Variants in STAU2 observed in about 807,000 individuals in gnomAD.
The protein encoded by STAU2 is double-stranded RNA-binding protein Staufen homolog 2.
STAU2 carries 20 observed loss-of-function variants against 65.9 expected under a neutral mutation model. That is an observed-to-expected ratio of 0.30 (90% CI 0.21 to 0.44). The LOEUF is 0.44. Ranked by LOEUF, STAU2 falls within the 20% of genes least tolerant of loss-of-function variation. The pLI is 1.00. For synonymous variants in STAU2, 232 were observed against 233.9 expected, an observed-to-expected ratio of 0.99 and a Z score of 0.07; for missense variants, 558 against 683.9, an observed-to-expected ratio of 0.82 and a Z score of 2.05.
chr8:73,457,989 A>T (rs1359116955), intron 13 of STAU2, among the ~76,000 whole-genome samples: 1 of 152,328 alleles, frequency 6.6e-6, no homozygotes, highest in East Asian at 1.9e-4. Flanking sequence ...ACTTACCAAT[A>T]GCAGATAATT....
intron 13 of STAU2, among the ~76,000 whole-genome samples, chr8:73,425,814 A>G (rs924659579): frequency 6.6e-6 from 1 of 151,490 alleles, no homozygotes; most frequent in Non-Finnish European, 1.5e-5. Flanking sequence ...TTTTTTTGAG[A>G]TGGAGTCTTA....
At position 73,727,391 on chromosome 8, in the gene STAU2, C is replaced by T. The variant is rs1199938347; in HGVS notation, c.-18+10893G>A. 3.9e-5 allele frequency among the ~76,000 whole-genome samples: 6 copies of T among 152,246 alleles called. No individual in the cohort carries two copies. In the East Asian group the frequency reaches 1.2e-3, roughly 29 times the overall value. On this transcript the variant is annotated intron_variant, in intron 3 of 14. Coordinates refer to ENST00000524300, the MANE Select transcript of STAU2 (RefSeq NM_001164380.2). ...AGTTGCTTCTCATTCACCCTTAATCCCAGGCCCTGGCAAGCAACAATCTAC... is the reference window on the plus strand; with the variant it reads ...AGTTGCTTCTCATTCACCCTTAATCTCAGGCCCTGGCAAGCAACAATCTAC...
intron 6 of STAU2, among the ~76,000 whole-genome samples, chr8:73,620,530 C>A (rs1586137352): frequency 6.6e-6 from 1 of 152,126 alleles, no homozygotes; most frequent in Non-Finnish European, 1.5e-5. Context: ...CATACTGAAA[C>A]AATCTGCTGA....
intron 13 of STAU2, among the ~76,000 whole-genome samples, chr8:73,461,748 C>G (rs143192868): frequency 3.3e-5 from 5 of 151,996 alleles, no homozygotes; most frequent in Admixed American, 1.3e-4. Flanking sequence ...AACGCAACCG[C>G]GGGCTTTCAC....
At chr8:73,743,631 G>A (rs375266475) in intron 1 of STAU2, among the ~76,000 whole-genome samples, 5 of 148,054 alleles carry the variant, frequency 3.4e-5, no homozygotes, top group East Asian at 2.0e-4. Context: ...GCGCCACCAC[G>A]GCCGGCTAAT....
chr8:73,595,590 T>C (rs1811123794), intron 10 of STAU2, among the ~76,000 whole-genome samples: 1 of 152,118 alleles, frequency 6.6e-6, no homozygotes, highest in South Asian at 2.1e-4. Context: ...ATATTATTTA[T>C]ATAAGCAGAA....
At chr8:73,460,319 A>G (rs1229910473) in intron 13 of STAU2, among the ~76,000 whole-genome samples, 2 of 152,220 alleles carry the variant, frequency 1.3e-5, no homozygotes, top group Non-Finnish European at 2.9e-5. Flanking sequence ...CATCTGTTCC[A>G]GGTTAGAAGA....
At chr8:73,467,387 C>T (rs1819715817) in intron 13 of STAU2, among the ~76,000 whole-genome samples, 1 of 152,098 alleles carries the variant, frequency 6.6e-6, no homozygotes, top group Non-Finnish European at 1.5e-5. Flanking sequence ...AAAAAATTAG[C>T]CGGGCATGGT....
rs563808913 is a variant in STAU2, at chr8:73,724,853, A to T, written c.-18+13431T>A. Among the ~76,000 whole-genome samples the T allele has an allele frequency of 7.9e-5, 12 of 152,018 alleles. No individual in the cohort carries two copies. The South Asian group carries it at 2.3e-3, about 29-fold the overall frequency. The stretch of plus-strand genomic sequence containing the variant: ...CAGGTGCACACCACCACATCCAGCT[A>T]ATTTTTGTATTTTTTGTAGAGATGG... On this transcript the variant is annotated intron_variant, in intron 3 of 14. Coordinates refer to ENST00000524300, the MANE Select transcript of STAU2 (RefSeq NM_001164380.2).
At chr8:73,674,032 A>C (rs1350523288) in intron 5 of STAU2, among the ~76,000 whole-genome samples, 2 of 151,482 alleles carry the variant, frequency 1.3e-5, no homozygotes, top group Non-Finnish European at 3.0e-5. Context: ...GGTACCAAAT[A>C]GTGTGTGCTT....
chr8:73,494,433 G>C (rs1821296671), intron 13 of STAU2, among the ~76,000 whole-genome samples: 1 of 151,712 alleles, frequency 6.6e-6, no homozygotes, highest in Admixed American at 6.6e-5. Flanking sequence ...ATGATTGCAA[G>C]TGACTTACAA....
At chr8:73,718,420 C>T (rs541231952) in intron 3 of STAU2, among the ~76,000 whole-genome samples, 1 of 152,098 alleles carries the variant, frequency 6.6e-6, no homozygotes, top group Non-Finnish European at 1.5e-5. Context: ...CAACAAAAAG[C>T]ACAAACATGC....
intron 5 of STAU2, among the ~76,000 whole-genome samples, chr8:73,673,563 ATTAC>A (rs1586243012): frequency 1.3e-5 from 2 of 152,238 alleles, no homozygotes; most frequent in South Asian, 2.1e-4. Flanking sequence ...GCATTTCATC[ATTAC>A]TTACCCCAGA....
intron 12 of STAU2, among the ~76,000 whole-genome samples, chr8:73,574,577 T>C (rs1007399794): frequency 6.6e-6 from 1 of 152,048 alleles, no homozygotes; most frequent in African/African-American, 2.4e-5. Flanking sequence ...TATGCAGTCA[T>C]AAAAAAAGGA....
chr8:73,665,454 T>C (rs1817165380), intron 6 of STAU2, among the ~76,000 whole-genome samples: 1 of 152,238 alleles, frequency 6.6e-6, no homozygotes, highest in African/African-American at 2.4e-5. Flanking sequence ...GCTTACTTCA[T>C]TTATCCAAGA....
At chr8:73,691,813 C>T (rs1819339620) in intron 4 of STAU2, among the ~76,000 whole-genome samples, 1 of 152,046 alleles carries the variant, frequency 6.6e-6, no homozygotes, top group Non-Finnish European at 1.5e-5. Context: ...AATATTTGGT[C>T]TTTGATCCCA....
rs527868942 is a variant in STAU2 at position 73,466,074 on chromosome 8, T to C, written c.1531-43372A>G. Among the ~76,000 whole-genome samples the C allele has an allele frequency of 2.0e-5, 3 of 152,378 alleles. No individual in the cohort carries two copies. In the East Asian group the frequency reaches 5.8e-4, roughly 29 times the overall value. ...ATACTGGTGTAGGGTCATGCCCAGA[T>C]GCTCTCATCTTAAACTCTTGACTAA... On this transcript the variant is annotated intron_variant, in intron 13 of 14. Coordinates refer to ENST00000524300, the MANE Select transcript of STAU2 (RefSeq NM_001164380.2).
chr8:73,668,331 CCAAGAGATATCCCAGTTACATAGCT>C (rs1817389105), intron 6 of STAU2, among the ~76,000 whole-genome samples: 1 of 152,114 alleles, frequency 6.6e-6, no homozygotes, highest in Non-Finnish European at 1.5e-5. Context: ...GTACATCTCC[CCAAGAGATATCCCAGTTACATAGCT>C]CAAAAATTCC....
rs113693797 is a variant in STAU2, at chr8:73,497,699, C to G, written c.1530+54313G>C. Among the ~76,000 whole-genome samples, 927 of 151,872 alleles carry G rather than the reference C, an allele frequency of 6.1e-3. 6 individuals are homozygous for G. The highest frequency in any genetic ancestry group is 0.011 in the Non-Finnish European group (748 of 67,772). Reference sequence around the variant, plus strand: ...AGGTAAAAATCATACATAATTTCAACTAGCTTATCAGTTTTTATACCAAAC... The same window carrying G: ...AGGTAAAAATCATACATAATTTCAAGTAGCTTATCAGTTTTTATACCAAAC... On this transcript the variant is annotated intron_variant, in intron 13 of 14. Transcript: ENST00000524300.
Sources: gnomAD v4.1 joint callset for allele counts (sites outside exome capture counted in the v4.1 genomes callset) on GRCh38, gnomAD v4.1.1 for gene constraint, MANE v1.5 for transcripts, NCBI Gene and HGNC (gene_info 2026-07-23, HGNC 2026-07-21) for gene names.